The following PDE4D variants were observed in gnomAD, a reference collection of about 807,000 sequenced individuals.
PDE4D encodes phosphodiesterase 4D.
Under a neutral mutation model 87.4 loss-of-function variants are expected in PDE4D, and 24 were observed. The ratio of observed to expected loss-of-function variants is 0.27; its 90% CI spans 0.20 to 0.39. The LOEUF is 0.39. Ranked by LOEUF, PDE4D falls within the 10% of genes least tolerant of loss-of-function variation. PDE4D has a pLI of 1.00. For synonymous variants in PDE4D, 384 were observed against 383.2 expected, an observed-to-expected ratio of 1.00 and a Z score of -0.02; for missense variants, 714 against 1,041.0, an observed-to-expected ratio of 0.69 and a Z score of 4.32.
At chr5:59,324,796 C>T (rs573003970) in intron 1 of PDE4D, among the ~76,000 whole-genome samples, 2 of 152,208 alleles carry the variant, frequency 1.3e-5, no homozygotes, top group East Asian at 3.9e-4. Flanking sequence ...AACTTTCTGG[C>T]AGTTACAGCT....
intron 1 of PDE4D, among the ~76,000 whole-genome samples, chr5:60,469,400 T>C (rs1476084640): frequency 1.3e-5 from 2 of 152,188 alleles, no homozygotes; most frequent in African/African-American, 4.8e-5. Flanking sequence ...AGCTTTTTCT[T>C]CTACAGCTTC....
intron 5 of PDE4D, among the ~76,000 whole-genome samples, chr5:59,177,573 A>G (rs1480470187): frequency 5.3e-5 from 8 of 152,138 alleles, no homozygotes; most frequent in African/African-American, 1.9e-4. Context: ...GAGAAAGGGT[A>G]TGCAACCTGC....
intron 2 of PDE4D, among the ~76,000 whole-genome samples, chr5:60,121,405 C>T (rs1296048432): frequency 6.6e-6 from 1 of 151,932 alleles, no homozygotes; most frequent in Non-Finnish European, 1.5e-5. Context: ...AAGACATACC[C>T]AAGACTGGGA....
intron 1 of PDE4D, among the ~76,000 whole-genome samples, chr5:59,568,620 T>C (rs1276466185): frequency 6.6e-6 from 1 of 152,020 alleles, no homozygotes; most frequent in Non-Finnish European, 1.5e-5. Context: ...AATGGCACAT[T>C]ACCCTCTGTG....
At chr5:59,013,138 A>G (rs1347499024) in intron 6 of PDE4D, among the ~76,000 whole-genome samples, 1 of 152,230 alleles carries the variant, frequency 6.6e-6, no homozygotes, top group African/African-American at 2.4e-5. Context: ...TCTCTGTGAC[A>G]CATTTAAAGC....
intron 2 of PDE4D, among the ~76,000 whole-genome samples, chr5:60,007,312 G>C (rs1403735149): frequency 6.6e-6 from 1 of 151,948 alleles, no homozygotes; most frequent in Non-Finnish European, 1.5e-5. Flanking sequence ...CGTGTGTTTT[G>C]TAAGTTAAAT....
chr5:59,457,720 A>G (rs978528843), intron 1 of PDE4D, among the ~76,000 whole-genome samples: 1 of 152,024 alleles, frequency 6.6e-6, no homozygotes, highest in African/African-American at 2.4e-5. Context: ...GTGAAACCCC[A>G]TCTCAAGTAA....
intron 1 of PDE4D, among the ~76,000 whole-genome samples, chr5:60,388,540 G>A (rs1762357677): frequency 6.6e-6 from 1 of 152,122 alleles, no homozygotes; most frequent in Admixed American, 6.6e-5. Flanking sequence ...CTGTGTCCAT[G>A]TGTTCTCAGT....
chr5:59,520,938 A>G (rs1469739098), intron 1 of PDE4D, among the ~76,000 whole-genome samples: 2 of 151,814 alleles, frequency 1.3e-5, no homozygotes, highest in Non-Finnish European at 2.9e-5. Flanking sequence ...GTATGTGTGT[A>G]TATATATATA....
intron 6 of PDE4D, among the ~76,000 whole-genome samples, chr5:59,037,630 TG>T (rs1758757749): frequency 6.6e-6 from 1 of 152,130 alleles, no homozygotes; most frequent in South Asian, 2.1e-4. Flanking sequence ...AGTGTGGACA[TG>T]GGTAGGTCAG....
chr5:60,045,306 G>C (rs1351172088), intron 2 of PDE4D, among the ~76,000 whole-genome samples: 2 of 151,972 alleles, frequency 1.3e-5, no homozygotes, highest in South Asian at 2.1e-4. Context: ...CTCCCATTTT[G>C]TAGGTTGCCT....
chr5:60,191,728 G>T (rs1016909489), intron 1 of PDE4D, among the ~76,000 whole-genome samples: 2 of 152,148 alleles, frequency 1.3e-5, no homozygotes, highest in Non-Finnish European at 2.9e-5. Context: ...CAGGCACAGT[G>T]GCTCGTGCCT....
chr5:58,992,577 AGG>A (rs1748166306), intron 7 of PDE4D, among the ~76,000 whole-genome samples: 1 of 152,136 alleles, frequency 6.6e-6, no homozygotes, highest in Non-Finnish European at 1.5e-5. Context: ...TAGTGAGATA[AGG>A]GTTAAATCCC....
At chr5:60,473,954 A>C (rs1274690548) in intron 1 of PDE4D, among the ~76,000 whole-genome samples, 3 of 149,248 alleles carry the variant, frequency 2.0e-5, no homozygotes, top group African/African-American at 7.4e-5. Flanking sequence ...TCCTAAAGAT[A>C]AGCATCAGTC....
At chr5:59,733,211 G>T (rs1377317569) in intron 1 of PDE4D, among the ~76,000 whole-genome samples, 1 of 152,046 alleles carries the variant, frequency 6.6e-6, no homozygotes, top group Non-Finnish European at 1.5e-5. Context: ...ATTTTTATTG[G>T]TGGTGATATT....
intron 2 of PDE4D, among the ~76,000 whole-genome samples, chr5:60,035,161 CAGG>C (rs1206840292): frequency 6.6e-6 from 1 of 151,432 alleles, no homozygotes; most frequent in Non-Finnish European, 1.5e-5. Flanking sequence ...GAGGCTGAGG[CAGG>C]AGAATTGCTT....
chr5:59,586,817 G>A (rs1457209639), intron 1 of PDE4D: 1 of 985,366 alleles, frequency 1.0e-6, no homozygotes. Flanking sequence ...TGTTAGAAGG[G>A]AAATGGAAAA....
chr5:59,468,323 C>T (rs1801906002), intron 1 of PDE4D, among the ~76,000 whole-genome samples: 1 of 151,482 alleles, frequency 6.6e-6, no homozygotes, highest in Non-Finnish European at 1.5e-5. Flanking sequence ...TCATTCTTTA[C>T]TGTTCACATT....
At chr5:60,318,302 G>GCAAC (rs1755840584) in intron 1 of PDE4D, among the ~76,000 whole-genome samples, 1 of 152,060 alleles carries the variant, frequency 6.6e-6, no homozygotes, top group African/African-American at 2.4e-5. Context: ...GACTAGGATT[G>GCAAC]CAACCCCTGC....
Sources: gnomAD v4.1 joint callset for allele counts (sites outside exome capture counted in the v4.1 genomes callset) on GRCh38, gnomAD v4.1.1 for gene constraint, MANE v1.5 for transcripts, NCBI Gene and HGNC (gene_info 2026-07-23, HGNC 2026-07-21) for gene names.